Variants in GALNT9 observed in about 807,000 individuals in gnomAD.
The protein encoded by GALNT9 is GalNAc transferase 9.
In GALNT9, 47 loss-of-function variants were observed where a neutral mutation model predicts 63.1. The observed-to-expected ratio is 0.75, with a 90% CI of 0.59 to 0.95. The LOEUF (loss-of-function observed/expected upper bound fraction) is 0.95, where lower values mean the gene tolerates loss of function less well. GALNT9 is among the 40% of genes least tolerant of loss of function. GALNT9 has a pLI of 0.00. For missense variants in GALNT9, 829 were observed against 874.8 expected, an observed-to-expected ratio of 0.95 and a Z score of 0.66; for synonymous variants, 396 against 365.7, an observed-to-expected ratio of 1.08 and a Z score of -0.94.
chr12:132,212,077 C>T (rs926170490), intron 6 of GALNT9, among the ~76,000 whole-genome samples: 2 of 152,246 alleles, frequency 1.3e-5, no homozygotes, highest in African/African-American at 2.4e-5. Context: ...AGAGAAAAGA[C>T]GGGTGGGGAG....
Position 132,201,157 on chromosome 12 carries a change from C to T in GALNT9, c.1368G>A (p.Met456Ile). 6.2e-7 allele frequency: 1 copy of T among 1,613,478 alleles called. No homozygotes were observed. Among genetic ancestry groups the T allele is most frequent in the Non-Finnish European group, 8.5e-7 (1 of 1,179,754 alleles). ...ACGTGAGGGTGTTGTTGTAGACCCT[C>T]ATCTCCGGGTACACGTTCTCCAGGT... ...KWYLENVYPEMRVYNNTLTYG... is the reference protein window; with the variant it reads ...KWYLENVYPEIRVYNNTLTYG... The change falls in exon 8 of 11, where the codon ATG becomes ATA. Residue 456 changes from methionine to isoleucine, a missense_variant. Physicochemically the swap from Met to Ile is conservative, Grantham distance 10. Coordinates refer to ENST00000328957, the MANE Select transcript of GALNT9 (RefSeq NM_001122636.2).
Position 132,262,341 on chromosome 12 carries a change from C to A in GALNT9, c.586+118G>T, listed in dbSNP as rs570770965. On this transcript the variant is annotated intron_variant, in intron 3 of 10. Transcript: ENST00000328957. ...GACCCCCATAGGTTTAGAGCCCCTG[C>A]GGACAGATGGGGTGCAGTCCTCTGT... 5 of 1,331,580 alleles carry A rather than the reference C, an allele frequency of 3.8e-6. No homozygotes were observed. The Admixed American group carries it at 7.9e-5, about 21-fold the overall frequency. 82.5% of individuals were successfully genotyped at this position (1,331,580 alleles called of 1,614,324 possible). A position where few individuals can be genotyped will look rare whatever the true frequency, so the allele number is the denominator to read the frequency against.
chr12:132,241,170 C>T (rs1555237045), intron 6 of GALNT9, among the ~76,000 whole-genome samples: 3 of 136,786 alleles, frequency 2.2e-5, no homozygotes, highest in African/African-American at 8.4e-5. Context: ...ACGCCACACC[C>T]CCTTCCCAGG....
At chr12:132,218,035 C>T (rs1308964771) in intron 6 of GALNT9, among the ~76,000 whole-genome samples, 5 of 151,156 alleles carry the variant, frequency 3.3e-5, no homozygotes, top group Non-Finnish European at 7.4e-5. Flanking sequence ...TATCCATCCT[C>T]CCACCCACTC....
At chr12:132,258,575 G>T (rs1051020557) in intron 4 of GALNT9, among the ~76,000 whole-genome samples, 1 of 152,232 alleles carries the variant, frequency 6.6e-6, no homozygotes, top group African/African-American at 2.4e-5. Flanking sequence ...ACTGGAAGGA[G>T]GCATAGAGGG....
intron 6 of GALNT9, among the ~76,000 whole-genome samples, chr12:132,204,328 G>T (rs998448678): frequency 1.3e-5 from 2 of 152,080 alleles, no homozygotes; most frequent in Non-Finnish European, 2.9e-5. Flanking sequence ...TTGTCCCCCC[G>T]CGCTGTCCTG....
intron 6 of GALNT9, among the ~76,000 whole-genome samples, chr12:132,217,369 C>CT (rs1197299149): frequency 2.0e-5 from 3 of 150,400 alleles, no homozygotes; most frequent in Non-Finnish European, 4.4e-5. Flanking sequence ...ATCCATCTAC[C>CT]TACTCATTCA....
chr12:132,225,995 C>CAA (rs1877663577), intron 6 of GALNT9, among the ~76,000 whole-genome samples: 1 of 142,482 alleles, frequency 7.0e-6, no homozygotes, highest in Admixed American at 7.0e-5. Flanking sequence ...CACACATACA[C>CAA]CCCACACACC....
At chr12:132,285,219 C>A (rs1165064152) in intron 2 of GALNT9, among the ~76,000 whole-genome samples, 1 of 152,242 alleles carries the variant, frequency 6.6e-6, no homozygotes, top group Non-Finnish European at 1.5e-5. Flanking sequence ...TGCCACCACC[C>A]CACGGTGAAA....
chr12:132,247,225 G>T (rs1267039461), intron 6 of GALNT9, among the ~76,000 whole-genome samples: 2 of 152,112 alleles, frequency 1.3e-5, no homozygotes, highest in Non-Finnish European at 2.9e-5. Flanking sequence ...CAGAAGCCCG[G>T]CCGAGCTCAG....
intron 1 of GALNT9, among the ~76,000 whole-genome samples, chr12:132,307,854 A>G (rs1881671094): frequency 6.6e-6 from 1 of 150,772 alleles, no homozygotes; most frequent in South Asian, 2.1e-4. Flanking sequence ...AACAACAACA[A>G]CCACAAAAAA....
chr12:132,250,549 G>A (rs1203195737), intron 5 of GALNT9, among the ~76,000 whole-genome samples: 1 of 152,192 alleles, frequency 6.6e-6, no homozygotes, highest in East Asian at 1.9e-4. Flanking sequence ...CAGCACTTTG[G>A]GATGCCAAGG....
Position 132,329,258 on chromosome 12 carries a change from G to T in GALNT9, c.-55C>A, listed in dbSNP as rs1203025073. The T allele has an allele frequency of 5.0e-5, 76 of 1,511,804 alleles. 1 individual carries two copies. In the South Asian group the frequency reaches 8.9e-4, roughly 18 times the overall value. 93.6% of individuals were successfully genotyped at this position (1,511,804 alleles called of 1,614,324 possible). ...CGGGGCATCCCCAGCATCCCCGCCC[G>T]GGCCTGGGCTTCAGCTTCGGCTTCG... On this transcript the variant is annotated 5_prime_UTR_variant, in exon 1 of 11. Transcript: ENST00000328957.
At chr12:132,297,373 C>T (rs1881112614) in intron 1 of GALNT9, among the ~76,000 whole-genome samples, 2 of 152,060 alleles carry the variant, frequency 1.3e-5, no homozygotes, top group Non-Finnish European at 1.5e-5. Flanking sequence ...CCCGAGATAA[C>T]CAACTCACTC....
Position 132,196,584 on chromosome 12 carries a change from C to T in GALNT9, c.*523G>A, listed in dbSNP as rs911879089. The T allele has an allele frequency of 7.1e-6, 7 of 986,878 alleles. No individual in the cohort carries two copies. Among genetic ancestry groups the T allele is most frequent in the African/African-American group, 1.7e-5 (1 of 57,242 alleles). 61.1% of individuals were successfully genotyped at this position (986,878 alleles called of 1,614,324 possible). ...CTCCTAGACACGGCCTCAGGTTTGT[C>T]GCTGTCCATGTCCTCCAGCACCCCT... On this transcript the variant is annotated 3_prime_UTR_variant, in exon 11 of 11. Coordinates refer to ENST00000328957, the MANE Select transcript of GALNT9 (RefSeq NM_001122636.2).
rs1555243259 is a variant in GALNT9, at chr12:132,296,466, C to A, written c.239-10036G>T. On this transcript the variant is annotated intron_variant, in intron 1 of 10. Coordinates refer to ENST00000328957, the MANE Select transcript of GALNT9 (RefSeq NM_001122636.2). This position sits in a 1 kb window ranked among gnomAD's most constrained non-coding sequence, Gnocchi z 4.2. ...AATCCCAAGTTTTCCTCTTTGAAAT[C>A]CCAGCTTCCTCCTCCAGACAGAATC... Among the ~76,000 whole-genome samples the A allele has an allele frequency of 1.3e-5, 2 of 152,232 alleles. No individual in the cohort carries two copies. The highest frequency in any genetic ancestry group is 4.8e-5 in the African/African-American group (2 of 41,462).
chr12:132,243,725 C>G (rs962368232), intron 6 of GALNT9, among the ~76,000 whole-genome samples: 2 of 152,172 alleles, frequency 1.3e-5, no homozygotes, highest in Admixed American at 6.5e-5. Flanking sequence ...ACGTGTCCAT[C>G]GTGGCTCTCC....
At chr12:132,205,978 C>G (rs1013624996) in intron 6 of GALNT9, 1 of 152,292 alleles carries the variant, frequency 6.6e-6, no homozygotes, top group Non-Finnish European at 1.5e-5. Flanking sequence ...TCTGCAGGGG[C>G]GGGACAGAGC....
Position 132,240,719 on chromosome 12 carries a change from C to A in GALNT9, c.1077+7191G>T, listed in dbSNP as rs2136899311. ...TAATTTACCTTATCTTGCTGGAACCCTTCTGTTTCCTGGGAAGTTACCAGA... is the reference window on the plus strand; with the variant it reads ...TAATTTACCTTATCTTGCTGGAACCATTCTGTTTCCTGGGAAGTTACCAGA... On this transcript the variant is annotated intron_variant, in intron 6 of 10. Coordinates refer to ENST00000328957, the MANE Select transcript of GALNT9 (RefSeq NM_001122636.2). 8 of 455,804 alleles carry A rather than the reference C, an allele frequency of 1.8e-5. 1 individual carries two copies. The highest frequency in any genetic ancestry group is 3.1e-5 in the South Asian group (2 of 64,572). 28.2% of individuals were successfully genotyped at this position (455,804 alleles called of 1,614,324 possible). A position where few individuals can be genotyped will look rare whatever the true frequency, so the allele number is the denominator to read the frequency against.
Sources: gnomAD v4.1 joint callset for allele counts (sites outside exome capture counted in the v4.1 genomes callset) on GRCh38, gnomAD v4.1.1 for gene constraint, Gnocchi (gnomAD v3.1) non-coding constraint, MANE v1.5 for transcripts, NCBI Gene and HGNC (gene_info 2026-07-23, HGNC 2026-07-21) for gene names.